GABRG3: variants seen among roughly 807,000 people sequenced by gnomAD.
The protein encoded by GABRG3 is gamma-aminobutyric acid receptor subunit gamma-3.
Under a neutral mutation model 48.8 loss-of-function variants are expected in GABRG3, and 25 were observed. That is an observed-to-expected ratio of 0.51 (90% CI 0.37 to 0.72). The LOEUF (loss-of-function observed/expected upper bound fraction) is 0.72, where lower values mean the gene tolerates loss of function less well. GABRG3 is among the 30% of genes least tolerant of loss of function. The pLI is 0.00. For missense variants in GABRG3, 394 were observed against 577.9 expected (o/e 0.68, Z 3.26); for synonymous variants, 227 against 217.6 (o/e 1.04, Z -0.38).
At chr15:27,050,164 G>T (rs1374877419) in intron 3 of GABRG3, among the ~76,000 whole-genome samples, 2 of 152,126 alleles carry the variant, frequency 1.3e-5, no homozygotes, top group African/African-American at 4.8e-5. Context: ...TCTATATTGG[G>T]CATGGACTGA....
At chr15:27,228,152 G>A (rs1889683817) in intron 3 of GABRG3, among the ~76,000 whole-genome samples, 1 of 152,164 alleles carries the variant, frequency 6.6e-6, no homozygotes, top group Non-Finnish European at 1.5e-5. Flanking sequence ...GGGGTTTGTT[G>A]TACATATTAA....
intron 5 of GABRG3, among the ~76,000 whole-genome samples, chr15:27,341,448 CCCGATGA>C (rs1392012122): frequency 1.3e-5 from 2 of 152,178 alleles, no homozygotes; most frequent in Non-Finnish European, 2.9e-5. Context: ...CCTGGGTCAG[CCCGATGA>C]CTGCGCCTGG....
At chr15:27,323,277 A>G (rs926554015) in intron 3 of GABRG3, among the ~76,000 whole-genome samples, 46 of 152,302 alleles carry the variant, frequency 3.0e-4, no homozygotes, top group African/African-American at 1.1e-3. Flanking sequence ...TCTCTGTTAT[A>G]CTTAGGTTAA....
At chr15:27,384,004 A>G (rs907706801) in intron 5 of GABRG3, among the ~76,000 whole-genome samples, 1 of 152,212 alleles carries the variant, frequency 6.6e-6, no homozygotes. Context: ...ACAAGCTATA[A>G]TTAAGGACTA....
intron 3 of GABRG3, among the ~76,000 whole-genome samples, chr15:27,212,817 AG>A (rs1889119034): frequency 6.6e-6 from 1 of 152,180 alleles, no homozygotes; most frequent in African/African-American, 2.4e-5. Flanking sequence ...ATCTCATACC[AG>A]TGGAGTCTTA....
At chr15:27,248,767 A>AACACACACACACACACAC (rs150140195) in intron 3 of GABRG3, among the ~76,000 whole-genome samples, 19 of 117,078 alleles carry the variant, frequency 1.6e-4, no homozygotes, top group African/African-American at 6.2e-4. Flanking sequence ...TGAGAAGGAA[A>AACACACACACACACACAC]ACACACACAC....
At chr15:27,374,489 C>G (rs1362329928) in intron 5 of GABRG3, among the ~76,000 whole-genome samples, 4 of 152,056 alleles carry the variant, frequency 2.6e-5, no homozygotes, top group Non-Finnish European at 5.9e-5. Context: ...ATTTTATTTG[C>G]CTGTTTTCAA....
At chr15:27,373,374 A>G (rs944568086) in intron 5 of GABRG3, among the ~76,000 whole-genome samples, 10 of 152,234 alleles carry the variant, frequency 6.6e-5, no homozygotes. Context: ...AGAAAATTGA[A>G]TAAAGATATG....
chr15:27,153,300 G>A (rs1041269765), intron 3 of GABRG3, among the ~76,000 whole-genome samples: 2 of 152,028 alleles, frequency 1.3e-5, no homozygotes, highest in African/African-American at 4.8e-5. Flanking sequence ...AAACCACTTA[G>A]CTCTTTTTGT....
intron 3 of GABRG3, among the ~76,000 whole-genome samples, chr15:27,326,269 T>C (rs1893610852): frequency 6.6e-6 from 1 of 152,244 alleles, no homozygotes; most frequent in African/African-American, 2.4e-5. Context: ...TTACTTTTCT[T>C]TTTGTTTTGC....
chr15:27,066,002 A>G (rs945162255), intron 3 of GABRG3, among the ~76,000 whole-genome samples: 2 of 152,212 alleles, frequency 1.3e-5, no homozygotes, highest in African/African-American at 2.4e-5. Flanking sequence ...TCCTATTCTG[A>G]GAAAATGACT....
intron 3 of GABRG3, among the ~76,000 whole-genome samples, chr15:27,044,277 T>G (rs1384570169): frequency 2.0e-5 from 3 of 152,166 alleles, no homozygotes; most frequent in Non-Finnish European, 4.4e-5. Flanking sequence ...ACTTATTTTG[T>G]GCCAGTCACT....
intron 3 of GABRG3, among the ~76,000 whole-genome samples, chr15:27,266,864 A>G (rs993066614): frequency 1.3e-4 from 20 of 152,130 alleles, no homozygotes; most frequent in African/African-American, 4.8e-4. Context: ...ATTTTTGTAT[A>G]TTGATATTGT....
At chr15:27,351,793 C>T (rs1566800762) in intron 5 of GABRG3, among the ~76,000 whole-genome samples, 1 of 138,760 alleles carries the variant, frequency 7.2e-6, no homozygotes, top group African/African-American at 2.7e-5. Flanking sequence ...TGTATGGTGT[C>T]TGTATATATG....
At chr15:27,364,887 G>T (rs1401765213) in intron 5 of GABRG3, 1 of 152,186 alleles carries the variant, frequency 6.6e-6, no homozygotes, top group Non-Finnish European at 1.5e-5. Context: ...ACTTATCTCA[G>T]ATGTGTCGTG....
rs79360715 is a variant in GABRG3, at chr15:27,538,511, T to C, written c.*5630T>C. 1,905 of 152,342 alleles carry C rather than the reference T, an allele frequency of 0.013. 38 individuals are homozygous for C. The highest frequency in any genetic ancestry group is 0.043 in the African/African-American group (1,786 of 41,564). 9.4% of individuals were successfully genotyped at this position (152,342 alleles called of 1,614,324 possible). A position where few individuals can be genotyped will look rare whatever the true frequency, so the allele number is the denominator to read the frequency against. ...GAACAATTGAGATAATCACCTACTT[T>C]CGCCACTTCACTTTTCACATTTGTA... is the stretch of plus-strand genomic sequence containing the variant. On this transcript the variant is annotated 3_prime_UTR_variant, in exon 10 of 10. Coordinates refer to ENST00000615808, the MANE Select transcript of GABRG3 (RefSeq NM_033223.5).
intron 3 of GABRG3, among the ~76,000 whole-genome samples, chr15:27,159,502 C>T (rs1255878028): frequency 6.6e-6 from 1 of 151,912 alleles, no homozygotes; most frequent in Non-Finnish European, 1.5e-5. Context: ...AAGTGCAGCT[C>T]CCTCCATCCT....
intron 3 of GABRG3, among the ~76,000 whole-genome samples, chr15:27,043,069 G>A (rs772514902): frequency 2.6e-5 from 4 of 152,124 alleles, no homozygotes; most frequent in East Asian, 1.9e-4. Context: ...TAACTTGCTC[G>A]TGCTCCTTCC....
chr15:27,024,128 T>A (rs1315650347), intron 2 of GABRG3, among the ~76,000 whole-genome samples: 1 of 152,220 alleles, frequency 6.6e-6, no homozygotes, highest in Non-Finnish European at 1.5e-5. Context: ...AAATGTCTAT[T>A]TACGTTTTTT....
Sources: allele counts gnomAD v4.1 joint callset (sites outside exome capture counted in the v4.1 genomes callset), GRCh38; gene constraint gnomAD v4.1.1; transcripts MANE v1.5; gene names NCBI Gene and HGNC (gene_info 2026-07-23, HGNC 2026-07-21).